DUSP8: variants seen among roughly 807,000 people sequenced by gnomAD.
The protein encoded by DUSP8 is dual specificity phosphatase 8.
DUSP8 carries 15 observed loss-of-function variants against 38.7 expected under a neutral mutation model. The observed-to-expected ratio is 0.39, with a 90% CI of 0.26 to 0.60. The LOEUF (loss-of-function observed/expected upper bound fraction) is 0.60, where lower values mean the gene tolerates loss of function less well. Ranked by LOEUF, DUSP8 falls within the 20% of genes least tolerant of loss-of-function variation. The pLI is 0.56. For missense variants in DUSP8, 768 were observed against 915.0 expected (o/e 0.84, Z 2.07); for synonymous variants, 458 against 433.9 (o/e 1.06, Z -0.69).
At chr11:1,572,429 C>CGG (rs746042981), upstream of DUSP8, among the ~76,000 whole-genome samples, 97 of 29,444 alleles carry the variant, frequency 3.3e-3, no homozygotes, top group East Asian at 0.03. This position sits in a 1 kb window ranked among gnomAD's most constrained non-coding sequence, Gnocchi z 4.7. Flanking sequence ...GCGGCTGCCG[C>CGG]GGGGGGGGGG....
intron 2 of DUSP8, among the ~76,000 whole-genome samples, chr11:1,565,112 G>C (rs1393653292): frequency 6.6e-6 from 1 of 152,212 alleles, no homozygotes; most frequent in African/African-American, 2.4e-5. Flanking sequence ...GAAGCTGTGG[G>C]ACGGGGACAT....
chr11:1,557,145 G>A lies in DUSP8; in HGVS notation c.1251C>T (p.Gly417=), dbSNP rs1486433954. 8 of 1,428,692 alleles carry A rather than the reference G, an allele frequency of 5.6e-6. No individual in the cohort carries two copies. Among genetic ancestry groups the A allele is most frequent in the African/African-American group, 1.5e-5 (1 of 66,120 alleles). The allele number at this position is 1,428,692 out of a possible 1,614,324, so 88.5% of individuals were successfully genotyped here. Residue 417 remains glycine, a synonymous_variant, in exon 7 of 7, where the codon GGC becomes GGT. Coordinates refer to ENST00000397374, the MANE Select transcript of DUSP8 (RefSeq NM_004420.3). This position sits in a 1 kb window ranked among gnomAD's most constrained non-coding sequence, Gnocchi z 9.9. ...CCAGCTTGCAGAGCTTCGGGGCCTCGCCGGGGTCGGGGGGCCCGGGGCCGT... is the reference window on the plus strand; with the variant it reads ...CCAGCTTGCAGAGCTTCGGGGCCTCACCGGGGTCGGGGGGCCCGGGGCCGT... ...RPDGPGPPDP[G]EAPKLCKLDS...
rs1443480769 is a variant in DUSP8, at chr11:1,558,507, C to A, written c.538-236G>T. Among the ~76,000 whole-genome samples, 1 of 152,120 alleles carries A rather than the reference C, an allele frequency of 6.6e-6. No individual in the cohort carries two copies. The highest frequency in any genetic ancestry group is 2.4e-5 in the African/African-American group (1 of 41,434). On this transcript the variant is annotated intron_variant, in intron 4 of 6. Transcript: ENST00000397374. This position sits in a 1 kb window ranked among gnomAD's most constrained non-coding sequence, Gnocchi z 6.3. ...GCTGGCCTCCGACTGCAGGCCCCAC[C>A]CACGGCTGGTGGTGGGCTCCTAGGA...
At chr11:1,559,330 G>C (rs1848684257) in intron 3 of DUSP8, 2 of 414,332 alleles carry the variant, frequency 4.8e-6, no homozygotes, top group Non-Finnish European at 8.6e-6. Flanking sequence ...ACGCCGCTAG[G>C]ATGCCCGTAA....
At chr11:1,565,034 C>T (rs934421021) in intron 2 of DUSP8, among the ~76,000 whole-genome samples, 1 of 152,224 alleles carries the variant, frequency 6.6e-6, no homozygotes, top group Non-Finnish European at 1.5e-5. Context: ...AGCTGTCCTT[C>T]CCCAGAAGGA....
Position 1,557,146 on chromosome 11 carries a change from C to T in DUSP8, c.1250G>A (p.Gly417Asp), listed in dbSNP as rs1848643599. Residue 417 changes from glycine to aspartate, a missense_variant, in exon 7 of 7, where the codon GGC (glycine) becomes GAC (aspartate). Physicochemically the swap from Gly to Asp is moderately conservative, Grantham distance 94 (BLOSUM62 -1). Transcript: ENST00000397374. This position sits in a 1 kb window ranked among gnomAD's most constrained non-coding sequence, Gnocchi z 9.9. ...RPDGPGPPDPGEAPKLCKLDS... is the reference protein window; with the variant it reads ...RPDGPGPPDPDEAPKLCKLDS... ...CAGCTTGCAGAGCTTCGGGGCCTCG[C>T]CGGGGTCGGGGGGCCCGGGGCCGTC... 2 of 1,429,310 alleles carry T rather than the reference C, an allele frequency of 1.4e-6. No homozygotes were observed. Among genetic ancestry groups the T allele is most frequent in the South Asian group, 1.4e-5 (1 of 70,458 alleles). 88.5% of individuals were successfully genotyped at this position (1,429,310 alleles called of 1,614,324 possible).
rs1461790784 is a variant in DUSP8, at chr11:1,554,501, AGGCAGT to A, written c.*2011_*2016del. ...AGCCCGCCTCCTGCAGCACTGGAGGAGGCAGTGGCCAACACAGGACCTTCGCCCCCC... is the reference window on the plus strand; with the variant it reads ...AGCCCGCCTCCTGCAGCACTGGAGGAGGCCAACACAGGACCTTCGCCCCCC... On this transcript the variant is annotated 3_prime_UTR_variant, in exon 7 of 7. Coordinates refer to ENST00000397374, the MANE Select transcript of DUSP8 (RefSeq NM_004420.3). The A allele has an allele frequency of 2.3e-5, 7 of 307,412 alleles. No homozygotes were observed. Among genetic ancestry groups the A allele is most frequent in the Admixed American group, 1.3e-4 (2 of 15,442 alleles). The allele number at this position is 307,412 out of a possible 1,614,324, so 19.0% of individuals were successfully genotyped here. A position where few individuals can be genotyped will look rare whatever the true frequency, so the allele number is the denominator to read the frequency against.
rs192915738 is a variant in DUSP8, at chr11:1,569,505, C to T, written c.-109+2396G>A. Among the ~76,000 whole-genome samples the T allele has an allele frequency of 3.9e-5, 6 of 152,260 alleles. No individual in the cohort carries two copies. In the East Asian group the frequency reaches 9.6e-4, roughly 24 times the overall value. ...TGCACACGCGTGGGCTGGACATACACTAGAGTACACGCACGTCCTTGCCCT... is the reference window on the plus strand; with the variant it reads ...TGCACACGCGTGGGCTGGACATACATTAGAGTACACGCACGTCCTTGCCCT... On this transcript the variant is annotated intron_variant, in intron 1 of 6. Transcript: ENST00000397374.
At chr11:1,567,491 G>A (rs552782042) in intron 1 of DUSP8, among the ~76,000 whole-genome samples, 3 of 152,212 alleles carry the variant, frequency 2.0e-5, no homozygotes, top group Non-Finnish European at 4.4e-5. Context: ...CCACACTGAG[G>A]GGCAGGTCCC....
At chr11:1,568,761 C>T (rs575448758) in intron 1 of DUSP8, among the ~76,000 whole-genome samples, 16 of 152,318 alleles carry the variant, frequency 1.1e-4, no homozygotes, top group South Asian at 6.2e-4. Context: ...TGCAGCTCGC[C>T]GGCTCCCCGC....
chr11:1,563,562 C>T (rs905873822), intron 3 of DUSP8, among the ~76,000 whole-genome samples: 4 of 152,288 alleles, frequency 2.6e-5, no homozygotes, highest in South Asian at 4.1e-4. Flanking sequence ...CCTCTGCCTC[C>T]GGCTTCTGAC....
intron 1 of DUSP8, chr11:1,571,605 T>TC (rs35595990): frequency 0.012 from 1,845 of 150,366 alleles, 23 homozygotes; most frequent in African/African-American, 0.03. Flanking sequence ...TGGATTTTTG[T>TC]CCCCCCCCCA....
intron 3 of DUSP8, among the ~76,000 whole-genome samples, chr11:1,559,956 C>T (rs1322258214): frequency 1.3e-5 from 2 of 152,222 alleles, no homozygotes; most frequent in African/African-American, 4.8e-5. Flanking sequence ...GCCTGCCACA[C>T]AGCATCATGT....
Position 1,556,521 on chromosome 11 carries a change from G to C in DUSP8, c.1875C>G (p.Ser625=). 13 of 1,304,062 alleles carry C rather than the reference G, an allele frequency of 1.0e-5. No homozygotes were observed. Among genetic ancestry groups the C allele is most frequent in the Non-Finnish European group, 1.2e-5 (12 of 1,023,812 alleles). 80.8% of individuals were successfully genotyped at this position (1,304,062 alleles called of 1,614,324 possible). A position where few individuals can be genotyped will look rare whatever the true frequency, so the allele number is the denominator to read the frequency against. Residue 625 remains serine (S), a synonymous_variant, in exon 7 of 7, where the codon TCC becomes TCG. Transcript: ENST00000397374. This position sits in a 1 kb window ranked among gnomAD's most constrained non-coding sequence, Gnocchi z 5.2. ...FSGSVEVIEV[S] is the part of the protein sequence containing the mutation. ...GGGGCCGAGGGCAGCGGAGGGGTCA[G>C]GACACCTCGATGACCTCCACGCTGC...
Position 1,558,823 on chromosome 11 carries a change from C to G in DUSP8, c.537+66G>C, listed in dbSNP as rs1848674971. 2 of 1,531,696 alleles carry G rather than the reference C, an allele frequency of 1.3e-6. No individual in the cohort carries two copies. The highest frequency in any genetic ancestry group is 8.8e-7 in the Non-Finnish European group (1 of 1,134,076). 94.9% of individuals were successfully genotyped at this position (1,531,696 alleles called of 1,614,324 possible). On this transcript the variant is annotated intron_variant, in intron 4 of 6. Coordinates refer to ENST00000397374, the MANE Select transcript of DUSP8 (RefSeq NM_004420.3). The surrounding 1 kb of genome is among the most constrained non-coding windows in gnomAD (Gnocchi z 6.3). ...CCTCCCTCATCCCCCGCTCCGCTGC[C>G]AAGCTGCTTCTGGAGCTCCTGCCCC... is the stretch of plus-strand genomic sequence containing the variant.
chr11:1,571,302 G>C (rs1298151166), intron 1 of DUSP8: 1 of 152,194 alleles, frequency 6.6e-6, no homozygotes, highest in African/African-American at 2.4e-5. Flanking sequence ...GCGGAAGGGC[G>C]CGGGGGCTTT....
Position 1,557,603 on chromosome 11 carries a change from G to A in DUSP8, c.822-29C>T, listed in dbSNP as rs376022990. On this transcript the variant is annotated intron_variant, in intron 6 of 6. Coordinates refer to ENST00000397374, the MANE Select transcript of DUSP8 (RefSeq NM_004420.3). The surrounding 1 kb of genome is among the most constrained non-coding windows in gnomAD (Gnocchi z 9.9). ...CGGGGGAGGAGGCTCAGTCCCAGGC[G>A]CCCGCCGGGGCCAGGCTGCCCACCT... is the stretch of plus-strand genomic sequence containing the variant. 5.3e-5 allele frequency: 79 copies of A among 1,495,384 alleles called. No homozygotes were observed. The Middle Eastern group carries it at 7.3e-4, about 14-fold the overall frequency. 92.6% of individuals were successfully genotyped at this position (1,495,384 alleles called of 1,614,324 possible).
At position 1,560,569 on chromosome 11, in the gene DUSP8, G is replaced by A. The variant is rs78501820; in HGVS notation, c.371-1514C>T. The stretch of plus-strand genomic sequence containing the variant: ...TTGAGGCAGCAGCCTTGGAGGAACA[G>A]TCTCTTCTGTGGGAACCTGCTGACT... On this transcript the variant is annotated intron_variant, in intron 3 of 6. Coordinates refer to ENST00000397374, the MANE Select transcript of DUSP8 (RefSeq NM_004420.3). Among the ~76,000 whole-genome samples the A allele has an allele frequency of 7.9e-5, 12 of 152,356 alleles. No homozygotes were observed. In the East Asian group the frequency reaches 2.3e-3, roughly 29 times the overall value.
At chr11:1,566,363 G>A (rs933923981) in intron 1 of DUSP8, among the ~76,000 whole-genome samples, 1 of 152,018 alleles carries the variant, frequency 6.6e-6, no homozygotes, top group African/African-American at 2.4e-5. Flanking sequence ...GCCCTCCTCC[G>A]GGCTTGCTGT....
Sources: gnomAD v4.1 joint callset for allele counts (sites outside exome capture counted in the v4.1 genomes callset) on GRCh38, gnomAD v4.1.1 for gene constraint, Gnocchi (gnomAD v3.1) non-coding constraint, MANE v1.5 for transcripts, NCBI Gene and HGNC (gene_info 2026-07-23, HGNC 2026-07-21) for gene names.